The following CREM variants were observed in gnomAD, a reference collection of about 807,000 sequenced individuals.
CREM encodes cAMP-responsive element modulator.
Under a neutral mutation model 37.3 loss-of-function variants are expected in CREM, and 13 were observed. That is an observed-to-expected ratio of 0.35 (90% confidence interval 0.23 to 0.55). The LOEUF is 0.55. CREM is among the 20% of genes least tolerant of loss of function. The probability of loss-of-function intolerance (pLI) is 0.88; values close to 1 mark genes in which losing one functional copy is unlikely to be tolerated. For missense variants in CREM, 296 were observed against 362.3 expected (o/e 0.82, Z 1.49); for synonymous variants, 124 against 120.2 (o/e 1.03, Z -0.21).
At chr10:35,203,255 AG>A (rs1399431489) in intron 6 of CREM, among the ~76,000 whole-genome samples, 11 of 152,124 alleles carry the variant, frequency 7.2e-5, no homozygotes, top group Non-Finnish European at 1.5e-4. Flanking sequence ...CATGTTGCCC[AG>A]GCTGGTCTTG....
chr10:35,201,732 T>C (rs1250252001), intron 6 of CREM, among the ~76,000 whole-genome samples: 2 of 152,168 alleles, frequency 1.3e-5, no homozygotes, highest in African/African-American at 2.4e-5. Context: ...GTTAGACTTA[T>C]CTAAAGTGCA....
chr10:35,165,078 A>AAAAAAAAAAG (rs1491207726), intron 3 of CREM, among the ~76,000 whole-genome samples: 2 of 148,816 alleles, frequency 1.3e-5, no homozygotes, highest in East Asian at 2.0e-4. Flanking sequence ...AAAAAAAAAA[A>AAAAAAAAAAG]GAAAAGGAAA....
chr10:35,203,565 G>T (rs932344899), intron 6 of CREM, among the ~76,000 whole-genome samples: 1 of 152,052 alleles, frequency 6.6e-6, no homozygotes, highest in Admixed American at 6.6e-5. Flanking sequence ...GGTGGTGGGC[G>T]TCTGTAATCC....
In CREM at chr10:35,150,650, T is replaced by C. The variant is rs568841927; in HGVS notation, c.168+2159T>C. Among the ~76,000 whole-genome samples, 10 of 152,146 alleles carry C rather than the reference T, an allele frequency of 6.6e-5. No homozygotes were observed. In the East Asian group the frequency reaches 1.9e-3, roughly 29 times the overall value. On this transcript the variant is annotated intron_variant, in intron 3 of 7. Coordinates refer to ENST00000685392, the MANE Select transcript of CREM (RefSeq NM_183011.2). ...CAGCCTGGCCAACATGAAGAAACCC[T>C]GTCTCTACTAAAAATACAAAACTAG...
chr10:35,147,590 AT>A (rs2135956804), intron 2 of CREM, among the ~76,000 whole-genome samples: 1 of 152,302 alleles, frequency 6.6e-6, no homozygotes, highest in South Asian at 2.1e-4. Context: ...AGCAAGACAC[AT>A]TTTTGTATTA....
At chr10:35,176,822 AGAT>A (rs1294374748) in intron 3 of CREM, among the ~76,000 whole-genome samples, 1 of 152,138 alleles carries the variant, frequency 6.6e-6, no homozygotes, top group Non-Finnish European at 1.5e-5. Flanking sequence ...ATTCTTGGTA[AGAT>A]GATATTATTA....
intron 3 of CREM, among the ~76,000 whole-genome samples, chr10:35,165,008 G>C (rs2093469721): frequency 7.3e-6 from 1 of 137,296 alleles, no homozygotes; most frequent in Non-Finnish European, 1.5e-5. Flanking sequence ...CAGTAAGCCA[G>C]ATTGCACCAC....
chr10:35,188,575 G>A (rs561349930), intron 6 of CREM, among the ~76,000 whole-genome samples, 187 bp downstream of exon 6: 10 of 151,900 alleles, frequency 6.6e-5, no homozygotes, highest in Admixed American at 1.3e-4. Flanking sequence ...ATCATTTTTC[G>A]CCTTTTAGCA....
intron 1 of CREM, chr10:35,135,440 T>G (rs1039567331): frequency 6.6e-6 from 1 of 152,146 alleles, no homozygotes; most frequent in African/African-American, 2.4e-5. Context: ...ATCGGTAGTA[T>G]ATAAGTGTTA....
intron 6 of CREM, 112 bp from the exon 7 acceptor site, chr10:35,206,783 C>A: frequency 2.1e-6 from 2 of 973,618 alleles, no homozygotes; most frequent in Non-Finnish European, 3.2e-6. Context: ...TTAAACATTA[C>A]AAGATCACCT....
At chr10:35,187,084 A>C (rs368251387) in intron 5 of CREM, among the ~76,000 whole-genome samples, 530 of 49,072 alleles carry the variant, frequency 0.011, 2 homozygotes, top group Non-Finnish European at 0.016. Flanking sequence ...TAATATATAT[A>C]ATATATAATA....
At chr10:35,195,865 G>T in intron 6 of CREM, 1 of 579,302 alleles carries the variant, frequency 1.7e-6, no homozygotes, top group South Asian at 2.1e-5. Flanking sequence ...CGTCAGCTCC[G>T]AGTCATGTTG....
chr10:35,205,065 A>C (rs2134462017), intron 6 of CREM, among the ~76,000 whole-genome samples: 1 of 152,356 alleles, frequency 6.6e-6, no homozygotes, highest in Admixed American at 6.5e-5. Flanking sequence ...TTGAGAGAGC[A>C]TGTATTTTGT....
intron 7 of CREM, chr10:35,209,452 C>T (rs1386121257): frequency 1.3e-6 from 1 of 760,534 alleles, no homozygotes; most frequent in African/African-American, 1.9e-5. Context: ...TAGGAATGTA[C>T]CATCTACTGA....
intron 3 of CREM, among the ~76,000 whole-genome samples, chr10:35,173,059 C>T (rs1032309399): frequency 1.3e-5 from 2 of 152,194 alleles, no homozygotes; most frequent in Non-Finnish European, 2.9e-5. Flanking sequence ...AATACTGTGT[C>T]ATGAAATGTG....
At chr10:35,167,666 T>C in intron 3 of CREM, 2 of 1,537,934 alleles carry the variant, frequency 1.3e-6, no homozygotes, top group South Asian at 1.1e-5. Context: ...AGGCTGTCAA[T>C]TGCATCATCT....
chr10:35,169,119 T>C (rs1396348790), intron 3 of CREM, among the ~76,000 whole-genome samples: 1 of 152,222 alleles, frequency 6.6e-6, no homozygotes, highest in Admixed American at 6.5e-5. Context: ...AAGTCGTTTT[T>C]TCCATTTCTC....
chr10:35,161,591 A>G (rs888467558), intron 3 of CREM, among the ~76,000 whole-genome samples: 1 of 151,906 alleles, frequency 6.6e-6, no homozygotes, highest in African/African-American at 2.4e-5. Context: ...TGAACCCGGG[A>G]GGCAGAAGTT....
At chr10:35,196,064 T>C (rs1043793993) in intron 6 of CREM, 7 of 1,614,058 alleles carry the variant, frequency 4.3e-6, no homozygotes, top group Admixed American at 3.3e-5. Flanking sequence ...CTGTAATGCA[T>C]GAACAGAACT....
Sources: gnomAD v4.1 joint callset for allele counts (sites outside exome capture counted in the v4.1 genomes callset) on GRCh38, gnomAD v4.1.1 for gene constraint, MANE v1.5 for transcripts, NCBI Gene and HGNC (gene_info 2026-07-23, HGNC 2026-07-21) for gene names.